Variants in RUNX1 observed in about 807,000 individuals in gnomAD.
RUNX1 encodes the protein runt-related transcription factor 1.
In RUNX1, 19 loss-of-function variants were observed where a neutral mutation model predicts 42.8. That is an observed-to-expected ratio of 0.44 (90% CI 0.31 to 0.65). The LOEUF (loss-of-function observed/expected upper bound fraction) is 0.65, where lower values mean the gene tolerates loss of function less well. Among genes scored for constraint, RUNX1 ranks in the 30% least tolerant of loss-of-function variants. RUNX1 has a pLI of 0.07. For missense variants in RUNX1, 528 were observed against 672.0 expected, an observed-to-expected ratio of 0.79 and a Z score of 2.37; for synonymous variants, 271 against 289.4, an observed-to-expected ratio of 0.94 and a Z score of 0.64.
chr21:34,861,544 A>G (rs1256073692), intron 5 of RUNX1, among the ~76,000 whole-genome samples: 1 of 152,200 alleles, frequency 6.6e-6, no homozygotes, highest in Admixed American at 6.5e-5. Flanking sequence ...ACTGAACTCC[A>G]GAACCTGCTT....
At chr21:35,044,387 T>A (rs1324138149) in intron 2 of RUNX1, among the ~76,000 whole-genome samples, 2 of 152,162 alleles carry the variant, frequency 1.3e-5, no homozygotes, top group East Asian at 3.9e-4. Flanking sequence ...CTTAGATAAC[T>A]GAACATTGAT....
chr21:34,833,296 G>GACA (rs2057091312), intron 7 of RUNX1: 1 of 152,190 alleles, frequency 6.6e-6, no homozygotes, highest in Non-Finnish European at 1.5e-5. Flanking sequence ...AGTAGAGTTG[G>GACA]GGTTTCACCA....
At chr21:34,942,831 G>C (rs1343198825) in intron 2 of RUNX1, among the ~76,000 whole-genome samples, 1 of 152,198 alleles carries the variant, frequency 6.6e-6, no homozygotes, top group Non-Finnish European at 1.5e-5. Context: ...GCACAACTTT[G>C]TGTTATGAGA....
intron 2 of RUNX1, among the ~76,000 whole-genome samples, chr21:34,921,914 G>A (rs957024771): frequency 5.3e-5 from 8 of 152,266 alleles, no homozygotes; most frequent in Non-Finnish European, 1.0e-4. Flanking sequence ...GATTACAGGC[G>A]TGAGCCACCA....
chr21:34,955,327 C>T lies in RUNX1; in HGVS notation c.59-62364G>A, dbSNP rs369952191. On this transcript the variant is annotated intron_variant, in intron 2 of 8. Coordinates refer to ENST00000675419, the MANE Select transcript of RUNX1 (RefSeq NM_001754.5). Reference sequence around the variant, plus strand: ...GTTGTGAGGATTGCATGAGACAATACGAACAAAGACTTTAGGACTATATCT... The same window carrying T: ...GTTGTGAGGATTGCATGAGACAATATGAACAAAGACTTTAGGACTATATCT... Among the ~76,000 whole-genome samples, 58 of 151,886 alleles carry T rather than the reference C, an allele frequency of 3.8e-4. 2 individuals are homozygous for T. In the South Asian group the frequency reaches 1.0e-2, roughly 26 times the overall value.
At chr21:34,945,971 C>A (rs2058560582) in intron 2 of RUNX1, among the ~76,000 whole-genome samples, 1 of 152,218 alleles carries the variant, frequency 6.6e-6, no homozygotes, top group Non-Finnish European at 1.5e-5. Context: ...CACCAAGGAT[C>A]TTCTCTTCCT....
chr21:35,008,454 C>T (rs1321129878), intron 2 of RUNX1, among the ~76,000 whole-genome samples: 1 of 152,196 alleles, frequency 6.6e-6, no homozygotes, highest in Non-Finnish European at 1.5e-5. Context: ...GTCAACCTAA[C>T]ACGTCTTTGG....
chr21:34,843,375 C>CAT lies in RUNX1; in HGVS notation c.614-8776_614-8775dup, dbSNP rs2057270575. Among the ~76,000 whole-genome samples the CAT allele has an allele frequency of 6.6e-6, 1 of 152,226 alleles. No homozygotes were observed. The highest frequency in any genetic ancestry group is 2.4e-5 in the African/African-American group (1 of 41,504). On this transcript the variant is annotated intron_variant, in intron 6 of 8. Transcript: ENST00000675419. This position sits in a 1 kb window ranked among gnomAD's most constrained non-coding sequence, Gnocchi z 4.8. ...ATATACAGACGCACACACACATATA[C>CAT]ATATATCACACAGGGACACACATGC...
At chr21:34,808,418 C>G (rs749898082) in intron 7 of RUNX1, among the ~76,000 whole-genome samples, 7 of 152,154 alleles carry the variant, frequency 4.6e-5, no homozygotes, top group Non-Finnish European at 1.0e-4. Flanking sequence ...CTCCACCACT[C>G]CCTGCTTCCG....
intron 8 of RUNX1, among the ~76,000 whole-genome samples, chr21:34,798,485 G>A (rs534077501): frequency 5.9e-5 from 9 of 152,134 alleles, no homozygotes; most frequent in African/African-American, 2.2e-4. Flanking sequence ...AGTTTTTCAC[G>A]CTGTTCCTCT....
At chr21:34,958,992 T>C (rs1046968671) in intron 2 of RUNX1, among the ~76,000 whole-genome samples, 4 of 151,568 alleles carry the variant, frequency 2.6e-5, no homozygotes, top group African/African-American at 7.3e-5. Flanking sequence ...TAGATGGGAA[T>C]TGAACAATGA....
At chr21:34,940,294 TAAGTA>T (rs962101455) in intron 2 of RUNX1, among the ~76,000 whole-genome samples, 3 of 152,216 alleles carry the variant, frequency 2.0e-5, no homozygotes, top group Non-Finnish European at 2.9e-5. Context: ...TCTTGGACCC[TAAGTA>T]AAGAGTTCCA....
intron 6 of RUNX1, among the ~76,000 whole-genome samples, chr21:34,847,079 G>A (rs1260511426): frequency 6.6e-6 from 1 of 152,210 alleles, no homozygotes; most frequent in Non-Finnish European, 1.5e-5. Context: ...TAGGTGCTCT[G>A]AGCCTCTTCC....
chr21:35,004,942 T>C (rs2059073260), intron 2 of RUNX1, among the ~76,000 whole-genome samples: 1 of 152,178 alleles, frequency 6.6e-6, no homozygotes, highest in African/African-American at 2.4e-5. Context: ...TTGATTTGGC[T>C]TTTCCTAAGA....
At chr21:34,929,689 A>G (rs1006172432) in intron 2 of RUNX1, among the ~76,000 whole-genome samples, 2 of 152,236 alleles carry the variant, frequency 1.3e-5, no homozygotes, top group Admixed American at 6.5e-5. Flanking sequence ...AGTGACATGA[A>G]CAAAAATTGG....
intron 2 of RUNX1, among the ~76,000 whole-genome samples, chr21:34,933,584 T>C (rs59970263): frequency 9.3e-4 from 141 of 152,338 alleles, no homozygotes; most frequent in African/African-American, 3.2e-3. Context: ...TGTTTTACTG[T>C]GTTCGACGTA....
At chr21:35,019,736 G>C (rs1220181179) in intron 2 of RUNX1, among the ~76,000 whole-genome samples, 1 of 152,088 alleles carries the variant, frequency 6.6e-6, no homozygotes, top group Non-Finnish European at 1.5e-5. Flanking sequence ...TCAGCCTTCT[G>C]CCTAGTTAAT....
At chr21:34,931,448 TTATA>T (rs1569111173) in intron 2 of RUNX1, among the ~76,000 whole-genome samples, 1 of 146,070 alleles carries the variant, frequency 6.8e-6, no homozygotes, top group Non-Finnish European at 1.5e-5. Flanking sequence ...ATACAATATA[TTATA>T]TATAATGTAT....
chr21:35,000,815 G>A (rs572548386), intron 2 of RUNX1, among the ~76,000 whole-genome samples: 1 of 152,288 alleles, frequency 6.6e-6, no homozygotes, highest in Non-Finnish European at 1.5e-5. Flanking sequence ...AAATGGGAAT[G>A]GAAGTCACTC....
Sources: allele counts gnomAD v4.1 joint callset (sites outside exome capture counted in the v4.1 genomes callset), GRCh38; gene constraint gnomAD v4.1.1; non-coding constraint Gnocchi (gnomAD v3.1); transcripts MANE v1.5; gene names NCBI Gene and HGNC (gene_info 2026-07-23, HGNC 2026-07-21).